Variants in MACROD2 observed in about 807,000 individuals in gnomAD.
The protein encoded by MACROD2 is mono-ADP ribosylhydrolase 2.
A neutral mutation model predicts 70.4 loss-of-function variants in MACROD2; 36 were observed. That is an observed-to-expected ratio of 0.51 (90% CI 0.39 to 0.68). MACROD2 has a LOEUF of 0.68. Among genes scored for constraint, MACROD2 ranks in the 30% least tolerant of loss-of-function variants. The probability of loss-of-function intolerance (pLI) is 0.00; values close to 1 mark genes in which losing one functional copy is unlikely to be tolerated. For synonymous variants in MACROD2, 172 were observed against 178.8 expected (o/e 0.96, Z 0.30); for missense variants, 496 against 538.4 (o/e 0.92, Z 0.78).
At position 14,972,026 on chromosome 20, in the gene MACROD2, T is replaced by C. The variant is rs141144052; in HGVS notation, c.419-257914T>C. Among the ~76,000 whole-genome samples the C allele has an allele frequency of 1.2e-3, 177 of 152,332 alleles. 3 individuals carry two copies. The highest frequency in any genetic ancestry group is 3.8e-3 in the African/African-American group (159 of 41,574). ...AAAAGAAAATGATTTGGGGGCTTCT[T>C]TTCATTAAAAGGAAAACCTTACCAA... On this transcript the variant is annotated intron_variant, in intron 5 of 17. Transcript: ENST00000684519.
At chr20:15,065,463 G>T (rs544530305) in intron 5 of MACROD2, among the ~76,000 whole-genome samples, 34 of 152,170 alleles carry the variant, frequency 2.2e-4, no homozygotes, top group African/African-American at 7.9e-4. Context: ...AGACCATCCT[G>T]ACTAACACAG....
chr20:14,444,313 C>T (rs1307348273), intron 3 of MACROD2, among the ~76,000 whole-genome samples: 1 of 152,086 alleles, frequency 6.6e-6, no homozygotes, highest in Non-Finnish European at 1.5e-5. Context: ...GTGGTTACTT[C>T]TGAGTCCTCA....
At position 15,207,133 on chromosome 20, in the gene MACROD2, A is replaced by G. The variant is rs533742408; in HGVS notation, c.419-22807A>G. Reference sequence around the variant, plus strand: ...GCACAATTAGTTCTTCCATTCTCCCATATTTTTGCTTTTTCTGCTATTTTT... The same window carrying G: ...GCACAATTAGTTCTTCCATTCTCCCGTATTTTTGCTTTTTCTGCTATTTTT... On this transcript the variant is annotated intron_variant, in intron 5 of 17. Coordinates refer to ENST00000684519, the MANE Select transcript of MACROD2 (RefSeq NM_001351661.2). Among the ~76,000 whole-genome samples the G allele has an allele frequency of 1.7e-4, 26 of 152,106 alleles. No individual in the cohort carries two copies. The South Asian group carries it at 4.8e-3, about 28-fold the overall frequency.
At chr20:15,152,616 C>T (rs1320019725) in intron 5 of MACROD2, among the ~76,000 whole-genome samples, 1 of 145,642 alleles carries the variant, frequency 6.9e-6, no homozygotes, top group East Asian at 2.1e-4. Flanking sequence ...TCTTGCCTCT[C>T]CCCCAGAAAA....
At chr20:15,770,431 A>T (rs2051605482) in intron 8 of MACROD2, among the ~76,000 whole-genome samples, 1 of 152,094 alleles carries the variant, frequency 6.6e-6, no homozygotes, top group South Asian at 2.1e-4. Flanking sequence ...TGGGGAGATG[A>T]TGGGTTTGGA....
intron 12 of MACROD2, among the ~76,000 whole-genome samples, chr20:15,955,983 A>G (rs1403582259): frequency 6.6e-6 from 1 of 152,178 alleles, no homozygotes; most frequent in Non-Finnish European, 1.5e-5. Context: ...AAAAAAAACT[A>G]AAAATAAATT....
At chr20:15,437,665 G>T (rs914209669) in intron 7 of MACROD2, among the ~76,000 whole-genome samples, 2 of 151,908 alleles carry the variant, frequency 1.3e-5, no homozygotes, top group Non-Finnish European at 2.9e-5. Context: ...CTCCACCCTC[G>T]AGTAGACCCC....
chr20:14,108,572 AG>A (rs1267235250), intron 3 of MACROD2, among the ~76,000 whole-genome samples: 1 of 152,094 alleles, frequency 6.6e-6, no homozygotes, highest in Non-Finnish European at 1.5e-5. Context: ...GGGAGGGAAA[AG>A]ATATTCCATG....
In MACROD2 at chr20:14,334,404, AT is replaced by A. The variant is rs567938170; in HGVS notation, c.272-159074del. 8.6e-3 allele frequency among the ~76,000 whole-genome samples: 1,307 copies of A among 152,340 alleles called. 6 individuals are homozygous for A. The highest frequency in any genetic ancestry group is 0.02 in the Middle Eastern group (6 of 294). On this transcript the variant is annotated intron_variant, in intron 3 of 17. Coordinates refer to ENST00000684519, the MANE Select transcript of MACROD2 (RefSeq NM_001351661.2). ...TGTTGACTTTCAGTAAATTTTTGAA[AT>A]GGTGGAATGTTAGAAGGAGCTGAGA...
intron 8 of MACROD2, among the ~76,000 whole-genome samples, chr20:15,829,755 G>A (rs2064034390): frequency 6.6e-6 from 1 of 152,142 alleles, no homozygotes; most frequent in Non-Finnish European, 1.5e-5. Context: ...GGGTGAGGGT[G>A]GCAAGCAGTG....
chr20:15,197,086 G>A, intron 5 of MACROD2: 2 of 943,108 alleles, frequency 2.1e-6, no homozygotes, highest in South Asian at 9.8e-5. Context: ...TTCATGTCTG[G>A]TTTGGTTCTC....
chr20:14,781,503 A>C (rs955699621), intron 5 of MACROD2, among the ~76,000 whole-genome samples: 1 of 143,202 alleles, frequency 7.0e-6, no homozygotes, highest in African/African-American at 2.8e-5. Context: ...ACCATATAAC[A>C]CAGAGTTGCA....
chr20:14,047,931 A>G (rs1447330870), intron 2 of MACROD2, among the ~76,000 whole-genome samples: 1 of 152,206 alleles, frequency 6.6e-6, no homozygotes, highest in Non-Finnish European at 1.5e-5. Context: ...TCAAAATTTC[A>G]AGTATCAAAA....
At chr20:15,722,780 T>A (rs543277912) in intron 8 of MACROD2, among the ~76,000 whole-genome samples, 3 of 152,314 alleles carry the variant, frequency 2.0e-5, no homozygotes, top group East Asian at 3.9e-4. Context: ...CTCTTAATAT[T>A]CTATTTCAAG....
chr20:16,035,597 A>T (rs1034601064), intron 15 of MACROD2, among the ~76,000 whole-genome samples: 1 of 152,080 alleles, frequency 6.6e-6, no homozygotes, highest in Non-Finnish European at 1.5e-5. Context: ...GGACAAAATT[A>T]AGAAAAATTT....
At chr20:14,417,283 CAT>C (rs1389124370) in intron 3 of MACROD2, among the ~76,000 whole-genome samples, 1 of 152,138 alleles carries the variant, frequency 6.6e-6, no homozygotes, top group Non-Finnish European at 1.5e-5. Flanking sequence ...TAAATGCGTA[CAT>C]GTCTAGAGGA....
At chr20:14,671,223 C>T (rs529585986) in intron 4 of MACROD2, among the ~76,000 whole-genome samples, 11 of 152,106 alleles carry the variant, frequency 7.2e-5, no homozygotes, top group South Asian at 2.1e-4. Context: ...TGGGATCATG[C>T]GTATGTGGAA....
intron 5 of MACROD2, among the ~76,000 whole-genome samples, chr20:15,050,992 C>A (rs1473339770): frequency 6.6e-6 from 1 of 152,062 alleles, no homozygotes; most frequent in Non-Finnish European, 1.5e-5. Flanking sequence ...TTTGGTTATA[C>A]ATGCTGAGAA....
chr20:14,303,903 A>G (rs910344448), intron 3 of MACROD2, among the ~76,000 whole-genome samples: 1 of 152,166 alleles, frequency 6.6e-6, no homozygotes, highest in East Asian at 1.9e-4. Context: ...GGTATCTTCT[A>G]TGATTCTTTT....
Sources: allele counts gnomAD v4.1 joint callset (sites outside exome capture counted in the v4.1 genomes callset), GRCh38; gene constraint gnomAD v4.1.1; transcripts MANE v1.5; gene names NCBI Gene and HGNC (gene_info 2026-07-23, HGNC 2026-07-21).